Variants in NFAT5 observed in about 807,000 individuals in gnomAD.
The protein encoded by NFAT5 is nuclear factor of activated T-cells 5.
In NFAT5, 31 loss-of-function variants were observed where a neutral mutation model predicts 166.5. The observed-to-expected ratio is 0.19, with a 90% CI of 0.14 to 0.25. The LOEUF is 0.25. NFAT5 is among the 10% of genes least tolerant of loss of function. The probability of loss-of-function intolerance (pLI) is 1.00; values close to 1 mark genes in which losing one functional copy is unlikely to be tolerated. For missense variants in NFAT5, 1,449 were observed against 1,821.8 expected (o/e 0.80, Z 3.72); for synonymous variants, 612 against 639.7 (o/e 0.96, Z 0.65).
intron 5 of NFAT5, among the ~76,000 whole-genome samples, chr16:69,653,978 A>G (rs2035781461): frequency 6.6e-6 from 1 of 152,172 alleles, no homozygotes; most frequent in Non-Finnish European, 1.5e-5. Flanking sequence ...GAAATGGGAT[A>G]TCATTTGCAT....
At chr16:69,626,112 TA>T (rs746935061) in intron 2 of NFAT5, among the ~76,000 whole-genome samples, 332 of 128,794 alleles carry the variant, frequency 2.6e-3, no homozygotes, top group Middle Eastern at 7.9e-3. Flanking sequence ...CCTGGCTGAT[TA>T]AAAAAAAAAA....
intron 2 of NFAT5, among the ~76,000 whole-genome samples, chr16:69,595,263 A>G (rs1359986983): frequency 1.3e-5 from 2 of 152,204 alleles, no homozygotes; most frequent in African/African-American, 4.8e-5. Context: ...TTCTGTATTC[A>G]CCCTTCTTAT....
intron 2 of NFAT5, among the ~76,000 whole-genome samples, chr16:69,599,576 GAATA>G (rs1315104430): frequency 6.6e-6 from 1 of 152,048 alleles, no homozygotes; most frequent in Non-Finnish European, 1.5e-5. Context: ...GTCTCAAAAA[GAATA>G]AAATAATGTT....
chr16:69,660,796 ACG>A (rs1294429322), intron 7 of NFAT5, among the ~76,000 whole-genome samples: 11 of 117,746 alleles, frequency 9.3e-5, no homozygotes, highest in Admixed American at 5.1e-4. Context: ...TTTCCTTTTC[ACG>A]TCTCTCTCTC....
intron 7 of NFAT5, among the ~76,000 whole-genome samples, chr16:69,663,954 C>T (rs2036254594): frequency 6.6e-6 from 1 of 152,112 alleles, no homozygotes; most frequent in Non-Finnish European, 1.5e-5. Flanking sequence ...CAAAATTAAT[C>T]ATGGCTTTCT....
chr16:69,671,015 A>G (rs935581740), intron 9 of NFAT5, among the ~76,000 whole-genome samples: 1 of 152,250 alleles, frequency 6.6e-6, no homozygotes, highest in Non-Finnish European at 1.5e-5. Context: ...GTAGAGAAAT[A>G]GAAGATGCAA....
At chr16:69,690,631 C>G (rs2037508702) in intron 11 of NFAT5, 1 of 160,502 alleles carries the variant, frequency 6.2e-6, no homozygotes, top group Non-Finnish European at 1.4e-5. Flanking sequence ...ATAATATACT[C>G]TTGGTCAGGT....
chr16:69,598,609 C>T (rs2032947000), intron 2 of NFAT5, among the ~76,000 whole-genome samples: 1 of 152,060 alleles, frequency 6.6e-6, no homozygotes, highest in Non-Finnish European at 1.5e-5. Flanking sequence ...TATTGAACAC[C>T]TGCTATGCAA....
chr16:69,672,123 A>G (rs1431572992), intron 9 of NFAT5, among the ~76,000 whole-genome samples: 1 of 152,244 alleles, frequency 6.6e-6, no homozygotes, highest in Non-Finnish European at 1.5e-5. Flanking sequence ...TATTTCCTAG[A>G]CAATATCGTA....
chr16:69,663,759 C>G (rs1266877134), intron 7 of NFAT5, among the ~76,000 whole-genome samples: 1 of 151,972 alleles, frequency 6.6e-6, no homozygotes, highest in Non-Finnish European at 1.5e-5. Flanking sequence ...TCCCTGTAGA[C>G]CCAGCTACTT....
At chr16:69,648,306 T>C (rs1299932497) in intron 4 of NFAT5, 8 of 984,642 alleles carry the variant, frequency 8.1e-6, no homozygotes, top group African/African-American at 1.7e-5. Context: ...TTACATTTTT[T>C]AGAGGATTTT....
chr16:69,673,778 A>G (rs1022340351), intron 9 of NFAT5, among the ~76,000 whole-genome samples: 2 of 152,114 alleles, frequency 1.3e-5, no homozygotes, highest in African/African-American at 4.8e-5. Context: ...TATTAGGCCT[A>G]CACAAAAAAA....
At chr16:69,608,282 T>C (rs550449871) in intron 2 of NFAT5, among the ~76,000 whole-genome samples, 25 of 152,158 alleles carry the variant, frequency 1.6e-4, no homozygotes, top group African/African-American at 5.3e-4. Context: ...CCTTGAGTAG[T>C]TCCCCACATG....
intron 2 of NFAT5, among the ~76,000 whole-genome samples, chr16:69,604,945 C>T (rs959725300): frequency 3.9e-5 from 6 of 152,152 alleles, no homozygotes; most frequent in African/African-American, 1.4e-4. Flanking sequence ...GTTACCTATT[C>T]ATCCACTGAT....
At chr16:69,610,001 A>G (rs1597395090) in intron 2 of NFAT5, among the ~76,000 whole-genome samples, 1 of 148,006 alleles carries the variant, frequency 6.8e-6, no homozygotes, top group South Asian at 2.1e-4. Flanking sequence ...GTGAGACAAG[A>G]AGAGAGAGAG....
chr16:69,655,889 G>A (rs1480180073), intron 6 of NFAT5, 90 bp downstream of exon 6: 48 of 918,096 alleles, frequency 5.2e-5, no homozygotes, highest in Middle Eastern at 5.0e-4. Flanking sequence ...GATTTTTTGC[G>A]TATTTTATTA....
intron 2 of NFAT5, among the ~76,000 whole-genome samples, chr16:69,590,643 C>A (rs1305203952): frequency 6.6e-6 from 1 of 152,142 alleles, no homozygotes; most frequent in African/African-American, 2.4e-5. Context: ...TGTTCTATAT[C>A]TTTTTTTGGC....
chr16:69,635,017 A>G (rs1012022643), intron 3 of NFAT5, among the ~76,000 whole-genome samples: 1 of 141,318 alleles, frequency 7.1e-6, no homozygotes, highest in Non-Finnish European at 1.5e-5. Flanking sequence ...CTCCTTTGTT[A>G]GTAAAGTTTT....
At chr16:69,583,459 C>G (rs1268791854) in intron 2 of NFAT5, among the ~76,000 whole-genome samples, 1 of 152,158 alleles carries the variant, frequency 6.6e-6, no homozygotes, top group Non-Finnish European at 1.5e-5. Context: ...AAGTGATCCT[C>G]CCATCTCATT....
Sources: gnomAD v4.1 joint callset for allele counts (sites outside exome capture counted in the v4.1 genomes callset) on GRCh38, gnomAD v4.1.1 for gene constraint, MANE v1.5 for transcripts, NCBI Gene and HGNC (gene_info 2026-07-23, HGNC 2026-07-21) for gene names.